CNTN4: variants seen among roughly 807,000 people sequenced by gnomAD.
The protein encoded by CNTN4 is contactin-4.
In CNTN4, 77 loss-of-function variants were observed where a neutral mutation model predicts 122.5. That is an observed-to-expected ratio of 0.63 (90% CI 0.52 to 0.76). CNTN4 has a LOEUF of 0.76. Among genes scored for constraint, CNTN4 ranks in the 30% least tolerant of loss-of-function variants. The pLI is 0.00. For missense variants in CNTN4, 1,256 were observed against 1,259.1 expected (o/e 1.00, Z 0.04); for synonymous variants, 512 against 447.0 (o/e 1.15, Z -1.83).
At position 2,257,053 on chromosome 3, in the gene CNTN4, A is replaced by G. The variant is rs144219620; in HGVS notation, c.-144-82125A>G. 4.7e-3 allele frequency among the ~76,000 whole-genome samples: 714 copies of G among 151,448 alleles called. 10 individuals are homozygous for G. The highest frequency in any genetic ancestry group is 0.016 in the African/African-American group (682 of 41,466). On this transcript the variant is annotated intron_variant, in intron 2 of 24. Transcript: ENST00000418658. ...ACTTCAAACTATACGACAAGGCTAC[A>G]GTAACCAAAAAAGCATGGTATTGGT...
chr3:2,835,861 C>G (rs571420069), intron 7 of CNTN4, among the ~76,000 whole-genome samples: 7 of 151,964 alleles, frequency 4.6e-5, no homozygotes, highest in African/African-American at 1.4e-4. Context: ...TTCAAAGGAA[C>G]ATAGCACAAA....
chr3:2,280,392 C>T (rs1192740641), intron 2 of CNTN4, among the ~76,000 whole-genome samples: 1 of 152,090 alleles, frequency 6.6e-6, no homozygotes, highest in Non-Finnish European at 1.5e-5. Flanking sequence ...ATCACTACTC[C>T]CTTTTTTGTT....
intron 3 of CNTN4, among the ~76,000 whole-genome samples, chr3:2,546,079 G>C (rs2078233467): frequency 6.6e-6 from 1 of 152,066 alleles, no homozygotes; most frequent in Admixed American, 6.6e-5. Context: ...GGAATGTAAA[G>C]TAGTTCAGCC....
intron 3 of CNTN4, among the ~76,000 whole-genome samples, chr3:2,397,273 T>TAC (rs1575546381): frequency 6.6e-6 from 1 of 152,206 alleles, no homozygotes; most frequent in East Asian, 1.9e-4. Context: ...TTACAGCTCT[T>TAC]ATATTCTTTG....
intron 13 of CNTN4, among the ~76,000 whole-genome samples, chr3:2,975,376 T>C (rs1300010960): frequency 6.6e-6 from 1 of 152,160 alleles, no homozygotes; most frequent in Non-Finnish European, 1.5e-5. Flanking sequence ...AAAACTCCAC[T>C]CTATTTCTTG....
chr3:2,626,732 A>T (rs141702376), intron 4 of CNTN4, among the ~76,000 whole-genome samples: 2 of 152,192 alleles, frequency 1.3e-5, no homozygotes, highest in South Asian at 4.1e-4. Flanking sequence ...GCATCTTTAG[A>T]TAATAAAAGT....
intron 6 of CNTN4, among the ~76,000 whole-genome samples, chr3:2,801,644 G>A (rs1412149735): frequency 1.3e-5 from 2 of 150,608 alleles, no homozygotes; most frequent in African/African-American, 2.5e-5. Context: ...AGCATTGCTT[G>A]TATCATTGTC....
chr3:2,944,822 C>A (rs1405875634), intron 13 of CNTN4, among the ~76,000 whole-genome samples: 1 of 152,176 alleles, frequency 6.6e-6, no homozygotes, highest in African/African-American at 2.4e-5. Context: ...TCTGAGGATA[C>A]ACCTGCAGGG....
rs9863359 is a variant in CNTN4 at position 3,017,426 on chromosome 3, T to C, written c.1487-8676T>C. On this transcript the variant is annotated intron_variant, in intron 14 of 24. Coordinates refer to ENST00000418658, the MANE Select transcript of CNTN4 (RefSeq NM_175607.3). ...AAACTACATATATAGATGTCTGATA[T>C]TATGTGAGTGATGATAACCTGAACA... 3.4e-3 allele frequency among the ~76,000 whole-genome samples: 523 copies of C among 152,346 alleles called. 2 individuals carry two copies. The highest frequency in any genetic ancestry group is 0.012 in the African/African-American group (503 of 41,576).
At position 2,799,805 on chromosome 3, in the gene CNTN4, T is replaced by C. The variant is rs57958664; in HGVS notation, c.359-19681T>C. Among the ~76,000 whole-genome samples, 1,488 of 152,284 alleles carry C rather than the reference T, an allele frequency of 9.8e-3. 32 individuals carry two copies. The highest frequency in any genetic ancestry group is 0.034 in the African/African-American group (1,418 of 41,554). ...CCTTTCACATAGCTCGAGTTTATTT[T>C]TATATATGGTGAGAGATAGGGGTCC... On this transcript the variant is annotated intron_variant, in intron 6 of 24. Coordinates refer to ENST00000418658, the MANE Select transcript of CNTN4 (RefSeq NM_175607.3).
At position 2,594,832 on chromosome 3, in the gene CNTN4, A is replaced by G. The variant is rs542741089; in HGVS notation, c.55+23274A>G. Among the ~76,000 whole-genome samples the G allele has an allele frequency of 5.3e-5, 8 of 152,258 alleles. No homozygotes were observed. The South Asian group carries it at 1.7e-3, about 32-fold the overall frequency. The stretch of plus-strand genomic sequence containing the variant: ...GTAATTGTCATGTGTATATGTTTGC[A>G]TTTAGAGTAGTTTTTTCTTATTCAT... On this transcript the variant is annotated intron_variant, in intron 4 of 24. Coordinates refer to ENST00000418658, the MANE Select transcript of CNTN4 (RefSeq NM_175607.3).
intron 2 of CNTN4, among the ~76,000 whole-genome samples, chr3:2,239,684 A>T (rs1429730817): frequency 1.3e-5 from 2 of 152,184 alleles, no homozygotes; most frequent in African/African-American, 4.8e-5. Context: ...AGACTGCAAT[A>T]GCAGTCTTCT....
intron 4 of CNTN4, among the ~76,000 whole-genome samples, chr3:2,575,644 G>A (rs148987930): frequency 1.3e-5 from 2 of 152,212 alleles, no homozygotes; most frequent in African/African-American, 2.4e-5. Flanking sequence ...CTTTAAATCT[G>A]TGCTCAAATG....
At chr3:2,860,181 T>C (rs2093657650) in intron 7 of CNTN4, among the ~76,000 whole-genome samples, 1 of 152,230 alleles carries the variant, frequency 6.6e-6, no homozygotes, top group African/African-American at 2.4e-5. Context: ...GGGCACCATT[T>C]CATTTCTCCA....
intron 3 of CNTN4, among the ~76,000 whole-genome samples, chr3:2,483,390 G>A (rs2076060734): frequency 1.3e-5 from 2 of 152,172 alleles, no homozygotes; most frequent in Admixed American, 6.5e-5. Context: ...GAAGGGACTT[G>A]TCTTCTCTCA....
chr3:2,931,606 A>G (rs944864122), intron 13 of CNTN4, among the ~76,000 whole-genome samples: 1 of 152,120 alleles, frequency 6.6e-6, no homozygotes, highest in African/African-American at 2.4e-5. Context: ...CCCACATACT[A>G]TGTATTAACT....
intron 3 of CNTN4, among the ~76,000 whole-genome samples, chr3:2,435,219 C>G (rs1453922507): frequency 6.6e-6 from 1 of 152,082 alleles, no homozygotes; most frequent in Admixed American, 6.6e-5. Flanking sequence ...ACAGTCATCC[C>G]TCAGTGTCTG....
At chr3:2,331,465 T>C (rs2043718154) in intron 2 of CNTN4, among the ~76,000 whole-genome samples, 1 of 152,198 alleles carries the variant, frequency 6.6e-6, no homozygotes, top group Non-Finnish European at 1.5e-5. Context: ...AAACCCCATC[T>C]TCCCTATGAT....
At chr3:2,716,304 TATC>T in intron 4 of CNTN4, among the ~76,000 whole-genome samples, 1 of 151,670 alleles carries the variant, frequency 6.6e-6, no homozygotes, top group South Asian at 2.1e-4. Flanking sequence ...CATTATCATA[TATC>T]ATTATTGTAT....
Sources: gnomAD v4.1 joint callset for allele counts (sites outside exome capture counted in the v4.1 genomes callset) on GRCh38, gnomAD v4.1.1 for gene constraint, MANE v1.5 for transcripts, NCBI Gene and HGNC (gene_info 2026-07-23, HGNC 2026-07-21) for gene names.